Variants in BRD7 observed in about 807,000 individuals in gnomAD.
The protein encoded by BRD7 is bromodomain containing 7, also known as bromodomain-containing protein 7.
In BRD7, 15 loss-of-function variants were observed where a neutral mutation model predicts 82.1. The ratio of observed to expected loss-of-function variants is 0.18; its 90% CI spans 0.12 to 0.28. The LOEUF is 0.28. Among genes scored for constraint, BRD7 ranks in the 10% least tolerant of loss-of-function variants. BRD7 has a pLI of 1.00. For missense variants in BRD7, 638 were observed against 779.9 expected (o/e 0.82, Z 2.17); for synonymous variants, 232 against 266.9 (o/e 0.87, Z 1.27).
chr16:50,332,658 T>G (rs1437784531), intron 8 of BRD7, among the ~76,000 whole-genome samples: 1 of 152,116 alleles, frequency 6.6e-6, no homozygotes, highest in East Asian at 1.9e-4. Context: ...AAATAAATCA[T>G]TTTACTCAAA....
In BRD7 at chr16:50,335,950, T is replaced by C. The variant is rs1276410141; in HGVS notation, c.703-1055A>G. The stretch of plus-strand genomic sequence containing the variant: ...ATTTTATTGTGGACAAATAAAAATA[T>C]GGGTAGAGGAGAAAATAAAAATCCT... On this transcript the variant is annotated intron_variant, in intron 6 of 16. Transcript: ENST00000394688. Among the ~76,000 whole-genome samples, 4 of 152,296 alleles carry C rather than the reference T, an allele frequency of 2.6e-5. No individual in the cohort carries two copies. In the East Asian group the frequency reaches 7.7e-4, roughly 29 times the overall value.
Position 50,350,141 on chromosome 16 carries a change from A to T in BRD7, c.473T>A (p.Phe158Tyr). Residue 158 changes from phenylalanine (F) to tyrosine (Y), a missense_variant, in exon 5 of 17, where the codon TTT becomes TAT. Phe to Tyr is a conservative substitution (Grantham distance 22, BLOSUM62 3). Around this residue, in one of 3 missense-constraint regions of BRD7, gnomAD observed 64 missense variants for 123.8 expected, o/e 0.52. Transcript: ENST00000394688. ...QRKDPSAFFS[F>Y]PVTDFIAPGY... ...AGGAGCAATAAAATCAGTCACAGGAAATGAAAAGAAAGCACTTGGATCTTT... is the reference window on the plus strand; with the variant it reads ...AGGAGCAATAAAATCAGTCACAGGATATGAAAAGAAAGCACTTGGATCTTT... 4 of 1,590,802 alleles carry T rather than the reference A, an allele frequency of 2.5e-6. No individual in the cohort carries two copies. Among genetic ancestry groups the T allele is most frequent in the Non-Finnish European group, 3.4e-6 (4 of 1,172,934 alleles).
At chr16:50,363,578 C>CA (rs1206146161) in intron 2 of BRD7, among the ~76,000 whole-genome samples, 2 of 152,128 alleles carry the variant, frequency 1.3e-5, no homozygotes, top group African/African-American at 4.8e-5. Context: ...CCTTCCTACT[C>CA]AAAACAAGAA....
chr16:50,330,218 T>C (rs1250985935), intron 8 of BRD7, among the ~76,000 whole-genome samples: 3 of 152,172 alleles, frequency 2.0e-5, no homozygotes, highest in East Asian at 3.8e-4. Context: ...ATCTAAAACC[T>C]GCCTTCCAGT....
intron 5 of BRD7, among the ~76,000 whole-genome samples, chr16:50,346,623 A>G (rs1265222018): frequency 6.6e-6 from 1 of 152,212 alleles, no homozygotes; most frequent in Non-Finnish European, 1.5e-5. Flanking sequence ...CTACCATCAG[A>G]GAATACTATA....
intron 4 of BRD7, 120 bp from the exon 5 acceptor site, chr16:50,350,287 A>G (rs1490683579): frequency 8.4e-6 from 6 of 711,280 alleles, no homozygotes; most frequent in Non-Finnish European, 1.0e-5. Context: ...ATATGTTAAC[A>G]TATTTTTAAC....
At chr16:50,332,605 G>T (rs2037615553) in intron 8 of BRD7, among the ~76,000 whole-genome samples, 1 of 152,158 alleles carries the variant, frequency 6.6e-6, no homozygotes, top group Non-Finnish European at 1.5e-5. Context: ...ACTAAAAATA[G>T]AATTACAATT....
At chr16:50,358,620 TC>T (rs2038831033) in intron 2 of BRD7, among the ~76,000 whole-genome samples, 1 of 152,188 alleles carries the variant, frequency 6.6e-6, no homozygotes. Context: ...TTATTATTTA[TC>T]TTACAGAGTT....
intron 2 of BRD7, among the ~76,000 whole-genome samples, chr16:50,358,378 C>G (rs1231404668): frequency 1.4e-4 from 1 of 7,198 alleles, no homozygotes; most frequent in Admixed American, 1.2e-3. Flanking sequence ...CACCTGGAGT[C>G]CCAGCTACTT....
In BRD7 at chr16:50,337,025, T is replaced by G. The variant is rs189332463; in HGVS notation, c.703-2130A>C. 2.6e-5 allele frequency among the ~76,000 whole-genome samples: 4 copies of G among 152,286 alleles called. No individual in the cohort carries two copies. The East Asian group carries it at 7.7e-4, about 29-fold the overall frequency. On this transcript the variant is annotated intron_variant, in intron 6 of 16. Transcript: ENST00000394688. Reference sequence around the variant, plus strand: ...AGACACAACTCCATGAGGTAAGTACTACTATTATCCCCACTTTACAGGACA... The same window carrying G: ...AGACACAACTCCATGAGGTAAGTACGACTATTATCCCCACTTTACAGGACA...
At chr16:50,358,433 T>C (rs1331222450) in intron 2 of BRD7, among the ~76,000 whole-genome samples, 6 of 144,762 alleles carry the variant, frequency 4.1e-5, no homozygotes, top group Non-Finnish European at 6.1e-5. Context: ...GAGGTGGAGG[T>C]TGCGGTAAGT....
chr16:50,321,685 A>T (rs1408537578), intron 13 of BRD7, among the ~76,000 whole-genome samples: 1 of 152,088 alleles, frequency 6.6e-6, no homozygotes, highest in Non-Finnish European at 1.5e-5. Flanking sequence ...CCAGATATTA[A>T]GCAATCAAAA....
At chr16:50,333,053 T>C (rs1251924785) in intron 8 of BRD7, among the ~76,000 whole-genome samples, 1 of 152,160 alleles carries the variant, frequency 6.6e-6, no homozygotes, top group Non-Finnish European at 1.5e-5. Flanking sequence ...ATTTGGGTGA[T>C]GGGTTCAAGA....
intron 1 of BRD7, 136 bp downstream of exon 1, chr16:50,368,590 A>T: frequency 3.2e-6 from 3 of 931,122 alleles, no homozygotes; most frequent in Non-Finnish European, 4.5e-6. Context: ...GGCCTCCGGC[A>T]GGACGCGCCC....
intron 6 of BRD7, among the ~76,000 whole-genome samples, chr16:50,338,848 C>T (rs1597056056): frequency 6.6e-6 from 1 of 152,170 alleles, no homozygotes; most frequent in Non-Finnish European, 1.5e-5. Context: ...TTCTGCCTGC[C>T]TGCCATGGTA....
intron 4 of BRD7, among the ~76,000 whole-genome samples, chr16:50,351,302 G>C (rs763685091): frequency 5.4e-4 from 82 of 152,242 alleles, no homozygotes; most frequent in African/African-American, 1.8e-3. Context: ...GTAGAAATCT[G>C]ACTCAGGTCT....
chr16:50,333,026 T>C lies in BRD7; in HGVS notation c.1011+548A>G, dbSNP rs144886251. 5.9e-5 allele frequency among the ~76,000 whole-genome samples: 9 copies of C among 152,276 alleles called. No homozygotes were observed. In the East Asian group the frequency reaches 1.7e-3, roughly 29 times the overall value. On this transcript the variant is annotated intron_variant, in intron 8 of 16. Transcript: ENST00000394688. ...GGGCAAGGGTTCAGAAACTTCCTAC[T>C]GGGTACTATGTTCACTATTTGGGTG...
Position 50,331,952 on chromosome 16 carries a change from C to A in BRD7, c.1011+1622G>T, listed in dbSNP as rs1012194775. On this transcript the variant is annotated intron_variant, in intron 8 of 16. Transcript: ENST00000394688. ...GCTAACCATGTGCAGAAGAATGAAA[C>A]TGAACTCCTATCTCTCACAATATAC... is the stretch of plus-strand genomic sequence containing the variant. Among the ~76,000 whole-genome samples, 3 of 152,166 alleles carry A rather than the reference C, an allele frequency of 2.0e-5. No homozygotes were observed. The South Asian group carries it at 6.2e-4, about 32-fold the overall frequency.
intron 9 of BRD7, among the ~76,000 whole-genome samples, chr16:50,328,057 CAT>C (rs764576126): frequency 8.5e-5 from 13 of 152,172 alleles, no homozygotes; most frequent in Non-Finnish European, 1.9e-4. Context: ...TATCTCAATA[CAT>C]GATTCTCTCC....
Sources: gnomAD v4.1 joint callset for allele counts (sites outside exome capture counted in the v4.1 genomes callset) on GRCh38, gnomAD v4.1.1 for gene constraint, gnomAD v4.1.1 regional missense constraint, MANE v1.5 for transcripts, NCBI Gene and HGNC (gene_info 2026-07-23, HGNC 2026-07-21) for gene names.